CCDC171: variants seen among roughly 807,000 people sequenced by gnomAD.
The protein encoded by CCDC171 is coiled-coil domain containing 171.
Under a neutral mutation model 168.2 loss-of-function variants are expected in CCDC171, and 177 were observed. The ratio of observed to expected loss-of-function variants is 1.05; its 90% CI spans 0.93 to 1.19. CCDC171 has a LOEUF of 1.19. Among genes scored for constraint, CCDC171 ranks in the 50% most tolerant of loss-of-function variants. CCDC171 has a pLI of 0.00. For synonymous variants in CCDC171, 687 were observed against 540.8 expected (o/e 1.27, Z -3.75); for missense variants, 1,991 against 1,539.0 (o/e 1.29, Z -4.91).
chr9:15,858,370 C>T (rs921668190), intron 23 of CCDC171, among the ~76,000 whole-genome samples: 2 of 151,936 alleles, frequency 1.3e-5, no homozygotes, highest in Non-Finnish European at 2.9e-5. Context: ...CAGCTTGGCC[C>T]TGATTTTTCA....
chr9:15,766,494 G>C (rs2135187980), intron 18 of CCDC171, among the ~76,000 whole-genome samples: 1 of 151,940 alleles, frequency 6.6e-6, no homozygotes, highest in East Asian at 1.9e-4. Flanking sequence ...AATAAATTAA[G>C]TAGCAGAAGG....
intron 25 of CCDC171, among the ~76,000 whole-genome samples, chr9:15,936,521 A>G (rs959465977): frequency 1.3e-5 from 2 of 152,026 alleles, no homozygotes; most frequent in African/African-American, 4.8e-5. Context: ...GAGGGGACTC[A>G]GCAGAGAGCG....
chr9:16,015,288 T>G (rs1250106361), intron 3 of CCDC171, among the ~76,000 whole-genome samples: 1 of 152,160 alleles, frequency 6.6e-6, no homozygotes, highest in Admixed American at 6.6e-5. Flanking sequence ...CCTCAAATCT[T>G]TCTTCTGCAA....
intron 21 of CCDC171, among the ~76,000 whole-genome samples, chr9:15,825,992 T>C (rs2059995456): frequency 6.6e-6 from 1 of 152,118 alleles, no homozygotes; most frequent in Non-Finnish European, 1.5e-5. Context: ...CTGGAACATC[T>C]GTTAGTCTGT....
At chr9:15,919,179 C>T (rs10756720) in intron 24 of CCDC171, among the ~76,000 whole-genome samples, 50,774 of 151,346 alleles carry the variant, frequency 0.34, 10,674 homozygotes, top group East Asian at 0.62. Flanking sequence ...AAGATCTGAG[C>T]TGGTTTTTTG....
chr9:15,785,284 G>T (rs2057882938), intron 21 of CCDC171, among the ~76,000 whole-genome samples: 1 of 152,050 alleles, frequency 6.6e-6, no homozygotes. Context: ...TCTAGTTTTT[G>T]ATTATAAAAC....
chr9:15,923,266 T>A lies in CCDC171; in HGVS notation c.3753+2844T>A, dbSNP rs569362913. On this transcript the variant is annotated intron_variant, in intron 25 of 25. Coordinates refer to ENST00000380701, the MANE Select transcript of CCDC171 (RefSeq NM_173550.4). ...TATAATCAGCCTAAGTGTCCATCAA[T>A]GGATGGATGGATGAAGGAAATATAG... Among the ~76,000 whole-genome samples the A allele has an allele frequency of 1.8e-3, 273 of 151,386 alleles. 2 individuals carry two copies. Among genetic ancestry groups the A allele is most frequent in the African/African-American group, 6.3e-3 (262 of 41,444 alleles).
At chr9:15,648,969 G>C (rs550974577) in intron 7 of CCDC171, among the ~76,000 whole-genome samples, 1 of 152,310 alleles carries the variant, frequency 6.6e-6, no homozygotes, top group South Asian at 2.1e-4. Flanking sequence ...AACAAAGCTA[G>C]AGGCATCATG....
At chr9:15,940,842 G>T (rs1055589919) in intron 25 of CCDC171, among the ~76,000 whole-genome samples, 1 of 151,802 alleles carries the variant, frequency 6.6e-6, no homozygotes, top group Admixed American at 6.6e-5. Flanking sequence ...GGGCAACCTA[G>T]TGAGACCCTA....
chr9:15,771,086 A>G (rs1481695010), intron 18 of CCDC171, among the ~76,000 whole-genome samples: 4 of 152,126 alleles, frequency 2.6e-5, no homozygotes, highest in Non-Finnish European at 5.9e-5. Flanking sequence ...ATCTACTGTA[A>G]TTTACTCAGC....
At chr9:15,987,801 T>A (rs532835747) in intron 3 of CCDC171, among the ~76,000 whole-genome samples, 9 of 152,230 alleles carry the variant, frequency 5.9e-5, no homozygotes, top group Non-Finnish European at 1.3e-4. Context: ...TAATGAGATA[T>A]CTTGGGGATG....
chr9:16,064,503 G>A (rs567431747), downstream of CCDC171, among the ~76,000 whole-genome samples: 1 of 152,160 alleles, frequency 6.6e-6, no homozygotes, highest in Non-Finnish European at 1.5e-5. Flanking sequence ...GAAAGGGCCA[G>A]CCCTGACTCT....
At chr9:15,791,625 A>G (rs1038287804) in intron 21 of CCDC171, among the ~76,000 whole-genome samples, 2 of 152,116 alleles carry the variant, frequency 1.3e-5, no homozygotes, top group Non-Finnish European at 2.9e-5. Context: ...AGAACTTCCA[A>G]CACTATGTTG....
At chr9:15,863,892 AGTT>A (rs111982622) in intron 23 of CCDC171, among the ~76,000 whole-genome samples, 58,847 of 151,612 alleles carry the variant, frequency 0.39, 11,574 homozygotes, top group African/African-American at 0.42. Flanking sequence ...TGCTTGCTCT[AGTT>A]GTTGTTTTGT....
intron 3 of CCDC171, among the ~76,000 whole-genome samples, chr9:15,980,450 C>A (rs969774163): frequency 7.9e-5 from 12 of 152,170 alleles, no homozygotes; most frequent in Non-Finnish European, 1.6e-4. Context: ...CCTCTCAGCA[C>A]CCTCAGCATC....
At position 15,749,618 on chromosome 9, in the gene CCDC171, C is replaced by T. The variant is rs188876270; in HGVS notation, c.2671+3987C>T. On this transcript the variant is annotated intron_variant, in intron 18 of 25. Coordinates refer to ENST00000380701, the MANE Select transcript of CCDC171 (RefSeq NM_173550.4). Reference sequence around the variant, plus strand: ...GTAAAAGAACAGAAATCACAACAAACTGTCTCTCAGACCACACTGCAATCA... The same window carrying T: ...GTAAAAGAACAGAAATCACAACAAATTGTCTCTCAGACCACACTGCAATCA... 1.9e-4 allele frequency among the ~76,000 whole-genome samples: 29 copies of T among 152,342 alleles called. No homozygotes were observed. The East Asian group carries it at 5.0e-3, about 26-fold the overall frequency.
chr9:15,769,264 G>C (rs1342819531), intron 18 of CCDC171, among the ~76,000 whole-genome samples: 1 of 152,162 alleles, frequency 6.6e-6, no homozygotes, highest in African/African-American at 2.4e-5. Flanking sequence ...AAGTAGTCCA[G>C]GGATGTAGCT....
intron 6 of CCDC171, among the ~76,000 whole-genome samples, chr9:15,618,925 A>T (rs1267597249): frequency 6.6e-6 from 1 of 151,546 alleles, no homozygotes; most frequent in Non-Finnish European, 1.5e-5. Flanking sequence ...TCTCGCTGGG[A>T]GCTGCAGACT....
intron 7 of CCDC171, among the ~76,000 whole-genome samples, chr9:15,638,015 T>C (rs1480831060): frequency 6.6e-6 from 1 of 152,202 alleles, no homozygotes; most frequent in East Asian, 1.9e-4. Flanking sequence ...AAATGGTATT[T>C]CTAGTTCTAG....
Sources: allele counts gnomAD v4.1 joint callset (sites outside exome capture counted in the v4.1 genomes callset), GRCh38; gene constraint gnomAD v4.1.1; transcripts MANE v1.5; gene names NCBI Gene and HGNC (gene_info 2026-07-23, HGNC 2026-07-21).